FARS2: variants seen among roughly 807,000 people sequenced by gnomAD.
FARS2 encodes the protein phenylalanine--tRNA ligase, mitochondrial.
Under a neutral mutation model 46.4 loss-of-function variants are expected in FARS2, and 40 were observed. The ratio of observed to expected loss-of-function variants is 0.86; its 90% confidence interval spans 0.67 to 1.12. FARS2 has a LOEUF of 1.12. Among genes scored for constraint, FARS2 ranks in the 50% most tolerant of loss-of-function variants. The probability of loss-of-function intolerance (pLI) is 0.00; values close to 1 mark genes in which losing one functional copy is unlikely to be tolerated. For synonymous variants in FARS2, 234 were observed against 214.9 expected (o/e 1.09, Z -0.78); for missense variants, 513 against 567.9 (o/e 0.90, Z 0.98).
chr6:5,565,986 A>C (rs1772300553), intron 5 of FARS2, among the ~76,000 whole-genome samples: 1 of 152,214 alleles, frequency 6.6e-6, no homozygotes, highest in Non-Finnish European at 1.5e-5. Context: ...TCTAATCCTA[A>C]CCAATTTGAC....
At chr6:5,652,884 G>A (rs948214277) in intron 6 of FARS2, among the ~76,000 whole-genome samples, 1 of 152,258 alleles carries the variant, frequency 6.6e-6, no homozygotes, top group Non-Finnish European at 1.5e-5. Context: ...CTGTAAGGCA[G>A]TGATCGTGTC....
chr6:5,460,999 T>C (rs1175855834), intron 4 of FARS2, among the ~76,000 whole-genome samples: 12 of 151,900 alleles, frequency 7.9e-5, no homozygotes, highest in African/African-American at 2.9e-4. Context: ...TGTATGTGTG[T>C]GTGTTTATGG....
At chr6:5,656,868 G>A (rs1357868778) in intron 6 of FARS2, among the ~76,000 whole-genome samples, 1 of 152,110 alleles carries the variant, frequency 6.6e-6, no homozygotes, top group Non-Finnish European at 1.5e-5. Flanking sequence ...CTTTGACACA[G>A]GTGTTTTAAG....
At chr6:5,460,116 A>G (rs1335729136) in intron 4 of FARS2, among the ~76,000 whole-genome samples, 1 of 152,152 alleles carries the variant, frequency 6.6e-6, no homozygotes, top group Admixed American at 6.5e-5. Flanking sequence ...AGTAAACTGT[A>G]ATTACCTTTT....
At chr6:5,571,367 A>G (rs1480851971) in intron 5 of FARS2, among the ~76,000 whole-genome samples, 1 of 152,222 alleles carries the variant, frequency 6.6e-6, no homozygotes, top group Non-Finnish European at 1.5e-5. Context: ...TTACTTAACT[A>G]TTAAATGATA....
intron 2 of FARS2, among the ~76,000 whole-genome samples, chr6:5,379,039 T>G (rs1759579520): frequency 6.6e-6 from 1 of 152,246 alleles, no homozygotes; most frequent in Non-Finnish European, 1.5e-5. Flanking sequence ...GACTCATCAC[T>G]GCCTTGTAGC....
chr6:5,466,764 G>C, intron 4 of FARS2: 1 of 980,822 alleles, frequency 1.0e-6, no homozygotes, highest in Non-Finnish European at 1.2e-6. Flanking sequence ...TCTGTAGACT[G>C]AAGCAGCACC....
chr6:5,361,883 T>C (rs926264602), intron 1 of FARS2, among the ~76,000 whole-genome samples: 4 of 152,202 alleles, frequency 2.6e-5, no homozygotes, highest in African/African-American at 9.6e-5. Context: ...CTTAATGTTT[T>C]CTTTACACAG....
chr6:5,427,308 A>G (rs73352406), intron 3 of FARS2, among the ~76,000 whole-genome samples: 10 of 152,340 alleles, frequency 6.6e-5, no homozygotes, highest in Admixed American at 5.2e-4. Context: ...TAAAACTACT[A>G]GAAGAAAACA....
At chr6:5,751,939 C>CA (rs1761970542) in intron 6 of FARS2, among the ~76,000 whole-genome samples, 1 of 152,178 alleles carries the variant, frequency 6.6e-6, no homozygotes, top group African/African-American at 2.4e-5. Context: ...ATTAAAAAAT[C>CA]AAAGTCCCCC....
intron 4 of FARS2, among the ~76,000 whole-genome samples, chr6:5,540,013 C>T (rs973337565): frequency 6.6e-6 from 1 of 152,190 alleles, no homozygotes; most frequent in African/African-American, 2.4e-5. Flanking sequence ...AGACTGCCAT[C>T]ATCATGGCAA....
At chr6:5,587,769 G>A (rs2150595131) in intron 5 of FARS2, among the ~76,000 whole-genome samples, 1 of 152,296 alleles carries the variant, frequency 6.6e-6, no homozygotes, top group South Asian at 2.1e-4. Context: ...AAGTTCATGA[G>A]CTCCGGGGGT....
At chr6:5,628,329 C>T (rs1315812306) in intron 6 of FARS2, among the ~76,000 whole-genome samples, 1 of 152,024 alleles carries the variant, frequency 6.6e-6, no homozygotes. Flanking sequence ...GGCAGAGAAA[C>T]TTCAGGTCTC....
chr6:5,650,353 A>G (rs550379749), intron 6 of FARS2, among the ~76,000 whole-genome samples: 29 of 151,420 alleles, frequency 1.9e-4, no homozygotes, highest in African/African-American at 7.0e-4. Context: ...AGATATATGC[A>G]CAGAACAAAC....
At chr6:5,318,924 C>A (rs74521480) in intron 1 of FARS2, among the ~76,000 whole-genome samples, 1 of 152,150 alleles carries the variant, frequency 6.6e-6, no homozygotes, top group Non-Finnish European at 1.5e-5. Flanking sequence ...CAGCCTGCAT[C>A]GGCCTTAGGT....
At chr6:5,634,976 T>G (rs2150727575) in intron 6 of FARS2, among the ~76,000 whole-genome samples, 1 of 152,358 alleles carries the variant, frequency 6.6e-6, no homozygotes, top group Admixed American at 6.5e-5. Flanking sequence ...GAATATGAAG[T>G]CTTTGTAGAG....
intron 4 of FARS2, among the ~76,000 whole-genome samples, chr6:5,440,566 A>C (rs1230971768): frequency 1.3e-5 from 2 of 152,052 alleles, no homozygotes; most frequent in African/African-American, 4.8e-5. Context: ...GGCACACTGG[A>C]AAAAAAGTAC....
Position 5,725,694 on chromosome 6 carries a change from G to C in FARS2, c.1218-45597G>C, listed in dbSNP as rs566519070. ...CTCACACCTGTAATCCCAGCACTTTGAGAGGCCAAAGCTGGTGGATCAGTT... is the reference window on the plus strand; with the variant it reads ...CTCACACCTGTAATCCCAGCACTTTCAGAGGCCAAAGCTGGTGGATCAGTT... On this transcript the variant is annotated intron_variant, in intron 6 of 6. Coordinates refer to ENST00000274680, the MANE Select transcript of FARS2 (RefSeq NM_006567.5). Among the ~76,000 whole-genome samples the C allele has an allele frequency of 3.3e-5, 5 of 152,332 alleles. No individual in the cohort carries two copies. The East Asian group carries it at 5.8e-4, about 18-fold the overall frequency.
intron 4 of FARS2, among the ~76,000 whole-genome samples, chr6:5,483,374 G>A (rs1036501188): frequency 6.6e-6 from 1 of 152,052 alleles, no homozygotes; most frequent in South Asian, 2.1e-4. Flanking sequence ...TTTTTTCACA[G>A]TACTAACTTA....
Sources: gnomAD v4.1 joint callset for allele counts (sites outside exome capture counted in the v4.1 genomes callset) on GRCh38, gnomAD v4.1.1 for gene constraint, MANE v1.5 for transcripts, NCBI Gene and HGNC (gene_info 2026-07-23, HGNC 2026-07-21) for gene names.